DAAM1: variants seen among roughly 807,000 people sequenced by gnomAD.
DAAM1 encodes dishevelled associated activator of morphogenesis 1, also known as disheveled-associated activator of morphogenesis 1.
A neutral mutation model predicts 130.0 loss-of-function variants in DAAM1; 52 were observed. The ratio of observed to expected loss-of-function variants is 0.40; its 90% CI spans 0.32 to 0.50. The LOEUF is 0.50. DAAM1 is among the 20% of genes least tolerant of loss of function. The pLI, the probability that DAAM1 is intolerant of heterozygous loss-of-function variation, is 0.61. For missense variants in DAAM1, 1,134 were observed against 1,303.8 expected (o/e 0.87, Z 2.01); for synonymous variants, 452 against 444.5 (o/e 1.02, Z -0.21).
At chr14:59,282,436 G>A (rs1883265178) in intron 2 of DAAM1, among the ~76,000 whole-genome samples, 1 of 152,126 alleles carries the variant, frequency 6.6e-6, no homozygotes, top group Admixed American at 6.6e-5. Context: ...GAAGTTCAGA[G>A]GCTGAGTCAC....
chr14:59,232,062 T>A (rs1889126620), intron 1 of DAAM1, among the ~76,000 whole-genome samples: 1 of 152,198 alleles, frequency 6.6e-6, no homozygotes, highest in South Asian at 2.1e-4. Flanking sequence ...AGATAGCAAG[T>A]TAATTCTCTT....
chr14:59,315,392 G>A (rs372925802), intron 4 of DAAM1, 41 bp downstream of exon 4: 9 of 1,578,562 alleles, frequency 5.7e-6, no homozygotes, highest in Non-Finnish European at 7.8e-6. Context: ...TGTTTAAAAT[G>A]CAAGTGTAGT....
At chr14:59,212,481 A>C (rs1594759699) in intron 1 of DAAM1, among the ~76,000 whole-genome samples, 1 of 152,236 alleles carries the variant, frequency 6.6e-6, no homozygotes, top group African/African-American at 2.4e-5. Flanking sequence ...GGTCTCTGCT[A>C]ATTGTCATAT....
In DAAM1 at chr14:59,279,008, T is replaced by A. The variant is rs139858888; in HGVS notation, c.184-12209T>A. 5.6e-3 allele frequency among the ~76,000 whole-genome samples: 848 copies of A among 152,312 alleles called. 8 individuals carry two copies. The highest frequency in any genetic ancestry group is 0.019 in the African/African-American group (771 of 41,570). On this transcript the variant is annotated intron_variant, in intron 2 of 24. Coordinates refer to ENST00000360909, the MANE Select transcript of DAAM1 (RefSeq NM_001270520.2). ...TTTTCTACTTTGTCTATATAGAATT[T>A]TTTGTTTGTTTTCCTGGGGCTCCAA...
intron 1 of DAAM1, among the ~76,000 whole-genome samples, chr14:59,234,238 A>G (rs1215038964): frequency 1.3e-5 from 2 of 152,090 alleles, no homozygotes; most frequent in Non-Finnish European, 2.9e-5. Flanking sequence ...GGCCATTTTC[A>G]TGTTGATTAT....
rs552291248 is a variant in DAAM1, at chr14:59,206,130, C to T, written c.-38+17362C>T. ...TGGCCTCCCAAAGTTGCTGGGATTACCAGCATGAGCTACTGCACCTGGCCC... is the reference window on the plus strand; with the variant it reads ...TGGCCTCCCAAAGTTGCTGGGATTATCAGCATGAGCTACTGCACCTGGCCC... On this transcript the variant is annotated intron_variant, in intron 1 of 24. Coordinates refer to ENST00000360909, the MANE Select transcript of DAAM1 (RefSeq NM_001270520.2). Among the ~76,000 whole-genome samples the T allele has an allele frequency of 1.2e-4, 18 of 152,160 alleles. No homozygotes were observed. In the South Asian group the frequency reaches 2.5e-3, roughly 21 times the overall value.
intron 3 of DAAM1, chr14:59,299,633 G>A (rs185944121): frequency 6.6e-6 from 1 of 152,252 alleles, no homozygotes; most frequent in Non-Finnish European, 1.5e-5. Flanking sequence ...TATTTCAGAG[G>A]CAGAAATACT....
At chr14:59,359,279 T>C in intron 20 of DAAM1, 118 bp from the exon 21 acceptor site, 2 of 765,868 alleles carry the variant, frequency 2.6e-6, no homozygotes, top group Non-Finnish European at 4.1e-6. Context: ...TATAGCATTA[T>C]TGTGGGTTCT....
intron 2 of DAAM1, among the ~76,000 whole-genome samples, chr14:59,288,240 C>A (rs1432092953): frequency 6.6e-6 from 1 of 152,126 alleles, no homozygotes; most frequent in Non-Finnish European, 1.5e-5. Context: ...TGAAATTGGA[C>A]CCCTTTCTTT....
At chr14:59,290,141 AAAAAT>A (rs1394643044) in intron 2 of DAAM1, among the ~76,000 whole-genome samples, 5 of 152,220 alleles carry the variant, frequency 3.3e-5, no homozygotes, top group African/African-American at 1.2e-4. Context: ...AAAGTAGAAA[AAAAAT>A]AAAAGACTGT....
At chr14:59,367,263 G>C (rs1886955033) in intron 23 of DAAM1, among the ~76,000 whole-genome samples, 166 bp from the exon 24 acceptor site, 1 of 152,182 alleles carries the variant, frequency 6.6e-6, no homozygotes, top group South Asian at 2.1e-4. Flanking sequence ...ACTCCAGCCT[G>C]GGTGATGGCG....
At chr14:59,364,458 CCTCT>C (rs1384658624) in intron 23 of DAAM1, among the ~76,000 whole-genome samples, 2 of 152,088 alleles carry the variant, frequency 1.3e-5, no homozygotes, top group South Asian at 2.1e-4. Context: ...TCACCTCACT[CCTCT>C]CTATCTCAGG....
At chr14:59,218,913 T>A (rs1490021572) in intron 1 of DAAM1, among the ~76,000 whole-genome samples, 1 of 152,192 alleles carries the variant, frequency 6.6e-6, no homozygotes. Flanking sequence ...GCTATTAATG[T>A]TTTTATATGA....
chr14:59,326,443 T>G (rs1488761094), intron 10 of DAAM1, 67 bp from the exon 11 acceptor site: 1 of 1,502,100 alleles, frequency 6.7e-7, no homozygotes, highest in Non-Finnish European at 8.9e-7. Flanking sequence ...TGACCACCAT[T>G]GACAAATATT....
At chr14:59,251,345 G>A (rs1881632204) in intron 1 of DAAM1, among the ~76,000 whole-genome samples, 1 of 151,974 alleles carries the variant, frequency 6.6e-6, no homozygotes, top group South Asian at 2.1e-4. Flanking sequence ...CTTCCACTGA[G>A]GTGGTGCAAT....
intron 3 of DAAM1, among the ~76,000 whole-genome samples, chr14:59,310,969 A>C (rs1884567186): frequency 9.8e-6 from 1 of 101,768 alleles, no homozygotes. Context: ...CTGAAAAAAA[A>C]CAAAAAAAAC....
At chr14:59,244,296 A>G (rs962632123) in intron 1 of DAAM1, among the ~76,000 whole-genome samples, 1 of 151,644 alleles carries the variant, frequency 6.6e-6, no homozygotes, top group Admixed American at 6.6e-5. Flanking sequence ...ATCAGCAGCC[A>G]GAAAACAGAC....
chr14:59,189,002 G>A (rs950208397), intron 1 of DAAM1, among the ~76,000 whole-genome samples: 2 of 152,236 alleles, frequency 1.3e-5, no homozygotes, highest in African/African-American at 2.4e-5. Flanking sequence ...GTGGGAAAAT[G>A]GCTGCAGCGC....
intron 18 of DAAM1, 87 bp from the exon 19 acceptor site, chr14:59,353,789 T>A (rs1210438534): frequency 3.2e-6 from 4 of 1,260,962 alleles, no homozygotes; most frequent in Non-Finnish European, 4.5e-6. Context: ...GGGGAGGTGC[T>A]TCTAGGTACC....
Sources: allele counts gnomAD v4.1 joint callset (sites outside exome capture counted in the v4.1 genomes callset), GRCh38; gene constraint gnomAD v4.1.1; transcripts MANE v1.5; gene names NCBI Gene and HGNC (gene_info 2026-07-23, HGNC 2026-07-21).